Variants in CEP164 observed in about 807,000 individuals in gnomAD.
CEP164 encodes centrosomal protein of 164 kDa.
CEP164 carries 162 observed loss-of-function variants against 182.7 expected under a neutral mutation model. The ratio of observed to expected loss-of-function variants is 0.89; its 90% CI spans 0.78 to 1.01. The LOEUF (loss-of-function observed/expected upper bound fraction) is 1.01, where lower values mean the gene tolerates loss of function less well. CEP164 is among the 50% of genes least tolerant of loss of function. CEP164 has a pLI of 0.00. For missense variants in CEP164, 1,735 were observed against 1,790.4 expected (o/e 0.97, Z 0.56); for synonymous variants, 661 against 690.0 (o/e 0.96, Z 0.66).
intron 8 of CEP164, 27 bp downstream of exon 8, chr11:117,363,533 A>G (rs1487725750): frequency 1.6e-5 from 25 of 1,527,858 alleles, no homozygotes; most frequent in Non-Finnish European, 2.3e-5. Context: ...CTACAGGCAC[A>G]TGTGTCAGCC....
intron 1 of CEP164, among the ~76,000 whole-genome samples, chr11:117,335,069 A>G (rs935782468): frequency 6.6e-5 from 10 of 152,040 alleles, no homozygotes; most frequent in African/African-American, 1.9e-4. Context: ...TCTCCCTAAG[A>G]GGATTAAAGA....
At chr11:117,393,187 G>T in intron 20 of CEP164, 61 bp downstream of exon 20, 1 of 1,574,028 alleles carries the variant, frequency 6.4e-7, no homozygotes, top group Non-Finnish European at 8.6e-7. Flanking sequence ...GCACGCACAT[G>T]CACACACACA....
chr11:117,390,814 G>A lies in CEP164; in HGVS notation c.1972G>A (p.Glu658Lys), dbSNP rs1210941977. ...RERLQKAIEE[E>K]EARMREEESQ... ...GCGGCTGCAGAAAGCCATTGAGGAG[G>A]AGGAGGCCCGGATGAGAGAGGAGGA... Residue 658 changes from glutamate (E) to lysine (K), a missense_variant, in exon 16 of 33, where the codon GAG (glutamate) becomes AAG (lysine). By Grantham distance (56) the Glu-to-Lys change is moderately conservative. Transcript: ENST00000278935. The A allele has an allele frequency of 1.2e-6, 2 of 1,613,866 alleles. No homozygotes were observed. Among genetic ancestry groups the A allele is most frequent in the East Asian group, 2.2e-5 (1 of 44,796 alleles).
Position 117,409,802 on chromosome 11 carries a change from C to T in CEP164, c.3933C>T (p.Thr1311=). 1 of 1,612,350 alleles carries T rather than the reference C, an allele frequency of 6.2e-7. No homozygotes were observed. Among genetic ancestry groups the T allele is most frequent in the Non-Finnish European group, 8.5e-7 (1 of 1,179,508 alleles). The change falls in exon 30 of 33, where the codon ACC becomes ACT. Residue 1311 remains threonine (T), a synonymous_variant. Transcript: ENST00000278935. This position sits in a 1 kb window ranked among gnomAD's most constrained non-coding sequence, Gnocchi z 4.4. ...CCCGGGACCCTAAGAGCACCCCCACCCCCACCTACTATGGCTCCCTGGCCA... is the reference window on the plus strand; with the variant it reads ...CCCGGGACCCTAAGAGCACCCCCACTCCCACCTACTATGGCTCCCTGGCCA... ...LPPRDPKSTP[T]PTYYGSLARF...
intron 11 of CEP164, among the ~76,000 whole-genome samples, chr11:117,380,118 G>A (rs2043160792): frequency 6.6e-6 from 1 of 151,840 alleles, no homozygotes; most frequent in Non-Finnish European, 1.5e-5. Flanking sequence ...ATTCTACCAG[G>A]ACTCCATCTC....
intron 5 of CEP164, among the ~76,000 whole-genome samples, chr11:117,354,046 T>G (rs1302593349): frequency 6.6e-6 from 1 of 151,222 alleles, no homozygotes; most frequent in Non-Finnish European, 1.5e-5. Flanking sequence ...AGACAGCATC[T>G]TGCTTTGTTG....
intron 1 of CEP164, among the ~76,000 whole-genome samples, chr11:117,333,150 C>T (rs2036478043): frequency 6.6e-6 from 1 of 151,958 alleles, no homozygotes; most frequent in African/African-American, 2.4e-5. Context: ...GTAGCTGGGA[C>T]TACAGGTGTG....
intron 8 of CEP164, among the ~76,000 whole-genome samples, chr11:117,370,449 C>T (rs2135896535): frequency 6.6e-6 from 1 of 152,340 alleles, no homozygotes; most frequent in Middle Eastern, 3.4e-3. Context: ...GGGGCTGGAG[C>T]AAGACAGATT....
At chr11:117,410,153 A>C in intron 30 of CEP164, 188 bp downstream of exon 30, 1 of 716,324 alleles carries the variant, frequency 1.4e-6, no homozygotes. Context: ...TCCCTGGGGA[A>C]GGAGACATTG....
rs1049271090 is a variant in CEP164 at position 117,409,394 on chromosome 11, C to T, written c.3749-224C>T. The T allele has an allele frequency of 3.1e-5, 18 of 588,990 alleles. No homozygotes were observed. In the Admixed American group the frequency reaches 4.9e-4, roughly 16 times the overall value. 36.5% of individuals were successfully genotyped at this position (588,990 alleles called of 1,614,324 possible). ...CTCTCTGGGGTCCTGGGCCCTTCAC[C>T]CAGCACCTTGCCCTGGAAACCTGTT... On this transcript the variant is annotated intron_variant, in intron 29 of 32. Coordinates refer to ENST00000278935, the MANE Select transcript of CEP164 (RefSeq NM_014956.5). This position sits in a 1 kb window ranked among gnomAD's most constrained non-coding sequence, Gnocchi z 4.4.
chr11:117,399,945 A>G (rs2045947778), intron 27 of CEP164, among the ~76,000 whole-genome samples: 2 of 151,784 alleles, frequency 1.3e-5, no homozygotes, highest in South Asian at 2.1e-4. Flanking sequence ...TTGCCTGTTC[A>G]CTCTGATGGT....
chr11:117,359,154 G>A (rs2040645594), intron 5 of CEP164, among the ~76,000 whole-genome samples: 1 of 152,168 alleles, frequency 6.6e-6, no homozygotes, highest in Admixed American at 6.6e-5. Flanking sequence ...ATATTGGTCA[G>A]GCTGGTCTTG....
intron 27 of CEP164, among the ~76,000 whole-genome samples, chr11:117,405,156 A>T (rs976351970): frequency 6.6e-6 from 1 of 151,954 alleles, no homozygotes; most frequent in East Asian, 1.9e-4. Context: ...TTTCCAGAGG[A>T]GTGAATGGTT....
chr11:117,406,588 A>G (rs1470001302), intron 27 of CEP164, among the ~76,000 whole-genome samples: 1 of 152,224 alleles, frequency 6.6e-6, no homozygotes, highest in Admixed American at 6.5e-5. Context: ...TTGCCTTTCC[A>G]TTCTGTCACA....
rs2137008848 is a variant in CEP164, at chr11:117,412,161, G to A, written c.4376G>A (p.Arg1459His). ...LDEHNRVKVY[R>H]F ...GAGCACAACAGAGTGAAGGTGTATC[G>A]CTTCTGAGGCCCTGAGCAGGGGCTT... The change falls in exon 33 of 33, where the codon CGC (arginine) becomes CAC (histidine). Residue 1459 changes from arginine (R) to histidine (H), a missense_variant. By Grantham distance (29) the Arg-to-His change is conservative. Coordinates refer to ENST00000278935, the MANE Select transcript of CEP164 (RefSeq NM_014956.5). The A allele has an allele frequency of 6.8e-6, 11 of 1,613,968 alleles. No individual in the cohort carries two copies. The highest frequency in any genetic ancestry group is 1.7e-4 in the Middle Eastern group (1 of 6,060).
In CEP164 at chr11:117,394,348, A is replaced by C; in HGVS notation, c.2617-2A>C. 1 of 1,594,386 alleles carries C rather than the reference A, an allele frequency of 6.3e-7. No individual in the cohort carries two copies. The highest frequency in any genetic ancestry group is 8.5e-7 in the Non-Finnish European group (1 of 1,170,858). On this transcript the variant is annotated splice_acceptor_variant, in intron 20 of 32. Transcript: ENST00000278935. LOFTEE classifies it high-confidence loss of function. This position sits in a 1 kb window ranked among gnomAD's most constrained non-coding sequence, Gnocchi z 4.0. ...CCACCGGTGGGCCCACCCTCCTTGC[A>C]GGAGAGGAAGCAGCGGGCTGAGCTT...
intron 3 of CEP164, among the ~76,000 whole-genome samples, chr11:117,340,815 C>T (rs897366081): frequency 1.3e-4 from 20 of 152,136 alleles, no homozygotes; most frequent in African/African-American, 4.1e-4. Flanking sequence ...TAAGCCACTA[C>T]GACTGGCCTC....
At position 117,394,962 on chromosome 11, in the gene CEP164, G is replaced by A. The variant is rs1345246049; in HGVS notation, c.2803G>A (p.Ala935Thr). The A allele has an allele frequency of 6.2e-7, 1 of 1,614,106 alleles. No individual in the cohort carries two copies. Among genetic ancestry groups the A allele is most frequent in the Admixed American group, 1.7e-5 (1 of 60,010 alleles). The change falls in exon 22 of 33, where the codon GCT becomes ACT. Residue 935 changes from alanine (A) to threonine (T), a missense_variant. By Grantham distance (58) the Ala-to-Thr change is moderately conservative. Coordinates refer to ENST00000278935, the MANE Select transcript of CEP164 (RefSeq NM_014956.5). The surrounding 1 kb of genome is among the most constrained non-coding windows in gnomAD (Gnocchi z 4.0). ...TTTAGAGTTGGACCTTGAAACCAGA[G>A]CTAAAGATGTCAAGGCCAGATTGGC... ...QDLELDLETR[A>T]KDVKARLALL...
At chr11:117,327,222 T>C (rs1331745880), upstream of CEP164, among the ~76,000 whole-genome samples, 1 of 152,142 alleles carries the variant, frequency 6.6e-6, no homozygotes, top group African/African-American at 2.4e-5. Context: ...GAGAGCCAGT[T>C]TTTTTGCGGG....
Sources: gnomAD v4.1 joint callset for allele counts (sites outside exome capture counted in the v4.1 genomes callset) on GRCh38, gnomAD v4.1.1 for gene constraint, Gnocchi (gnomAD v3.1) non-coding constraint, MANE v1.5 for transcripts, NCBI Gene and HGNC (gene_info 2026-07-23, HGNC 2026-07-21) for gene names.